Variants in MFSD2A observed in about 807,000 individuals in gnomAD.
The protein encoded by MFSD2A is sodium-dependent lysophosphatidylcholine symporter 1.
Under a neutral mutation model 64.7 loss-of-function variants are expected in MFSD2A, and 27 were observed. That is an observed-to-expected ratio of 0.42 (90% confidence interval 0.31 to 0.58). MFSD2A has a LOEUF of 0.58. Ranked by LOEUF, MFSD2A falls within the 20% of genes least tolerant of loss-of-function variation. The pLI is 0.18. For synonymous variants in MFSD2A, 258 were observed against 273.4 expected (o/e 0.94, Z 0.55); for missense variants, 474 against 679.5 (o/e 0.70, Z 3.36).
At position 39,962,539 on chromosome 1, in the gene MFSD2A, A is replaced by G. The variant is rs184472880; in HGVS notation, c.354-2672A>G. 421 of 588,258 alleles carry G rather than the reference A, an allele frequency of 7.2e-4. 4 individuals are homozygous for G. Among genetic ancestry groups the G allele is most frequent in the African/African-American group, 7.1e-3 (381 of 53,594 alleles). The allele number at this position is 588,258 out of a possible 1,614,324, so 36.4% of individuals were successfully genotyped here. On this transcript the variant is annotated intron_variant, in intron 3 of 13. Transcript: ENST00000372811. Reference sequence around the variant, plus strand: ...TGTTTACGAGCTTCTTCTCCGAGAAAACACCAAATGGCGGATGACACTGGT... The same window carrying G: ...TGTTTACGAGCTTCTTCTCCGAGAAGACACCAAATGGCGGATGACACTGGT...
chr1:39,962,787 A>C (rs887363922), intron 3 of MFSD2A: 1 of 1,086,256 alleles, frequency 9.2e-7, no homozygotes, highest in Admixed American at 1.8e-5. Flanking sequence ...CCTGCAGGAG[A>C]TCTATCTCTT....
Position 39,968,618 on chromosome 1 carries a change from T to C in MFSD2A, c.1402T>C (p.Phe468Leu). ...RGCSQPERVK[F>L]TLNMLVTMAP... is the part of the protein sequence containing the mutation. ...CTGCTCGCAGCCGGAACGTGTCAAG[T>C]TTACACTGAACATGCTCGTGACCAT... The change falls in exon 13 of 14, where the codon TTT becomes CTT. Residue 468 changes from phenylalanine to leucine, a missense_variant. Coordinates refer to ENST00000372811, the MANE Select transcript of MFSD2A (RefSeq NM_032793.5). This position sits in a 1 kb window ranked among gnomAD's most constrained non-coding sequence, Gnocchi z 4.4. 1 of 1,614,110 alleles carries C rather than the reference T, an allele frequency of 6.2e-7. No individual in the cohort carries two copies. Among genetic ancestry groups the C allele is most frequent in the Non-Finnish European group, 8.5e-7 (1 of 1,180,004 alleles).
rs915044654 is a variant in MFSD2A, at chr1:39,964,781, AGGTGTGTGTGTGAATGG to A, written c.354-400_354-384del. The A allele has an allele frequency of 2.2e-4, 40 of 184,100 alleles. No individual in the cohort carries two copies. Among genetic ancestry groups the A allele is most frequent in the Admixed American group, 1.3e-3 (22 of 17,158 alleles). The allele number at this position is 184,100 out of a possible 1,614,324, so 11.4% of individuals were successfully genotyped here. A position where few individuals can be genotyped will look rare whatever the true frequency, so the allele number is the denominator to read the frequency against. Reference sequence around the variant, plus strand: ...AATGGGGTGTGTGTGTGTGTGAATGAGGTGTGTGTGTGAATGGGGTGTGTGTGTGAATGGGGTGTGTG... The same window carrying A: ...AATGGGGTGTGTGTGTGTGTGAATGAGGTGTGTGTGTGAATGGGGTGTGTG... On this transcript the variant is annotated intron_variant, in intron 3 of 13. Transcript: ENST00000372811. The surrounding 1 kb of genome is among the most constrained non-coding windows in gnomAD (Gnocchi z 4.1).
chr1:39,963,083 C>CTT lies in MFSD2A; in HGVS notation c.354-2128_354-2127insTT. 1 of 1,377,642 alleles carries CTT rather than the reference C, an allele frequency of 7.3e-7. No homozygotes were observed. The highest frequency in any genetic ancestry group is 1.0e-6 in the Non-Finnish European group (1 of 996,206). 85.3% of individuals were successfully genotyped at this position (1,377,642 alleles called of 1,614,324 possible). A position where few individuals can be genotyped will look rare whatever the true frequency, so the allele number is the denominator to read the frequency against. ...GGAACAAGATCAGCAAGCCCCACAC[C>CTT]GTCCCTTGCAAGGTGACAGGCCGCT... On this transcript the variant is annotated intron_variant, in intron 3 of 13. Transcript: ENST00000372811. The surrounding 1 kb of genome is among the most constrained non-coding windows in gnomAD (Gnocchi z 4.2).
At chr1:39,962,634 G>A (rs11579076) in intron 3 of MFSD2A, 9 of 844,268 alleles carry the variant, frequency 1.1e-5, no homozygotes, top group Middle Eastern at 3.3e-4. Context: ...CGGAGGTTTC[G>A]GCAGTGGCAT....
At chr1:39,962,449 A>G (rs965693256) in intron 3 of MFSD2A, among the ~76,000 whole-genome samples, 2 of 152,278 alleles carry the variant, frequency 1.3e-5, no homozygotes, top group Non-Finnish European at 2.9e-5. Flanking sequence ...AACATGTTAT[A>G]TAACCCTTTT....
chr1:39,958,679 CTT>C lies in MFSD2A; in HGVS notation c.229-19_229-18del. ...GCGAGTAGAAGGATGAGGAAGTTGT[CTT>C]TTGCTTCTCCTCATTCCAGGTGGGC... On this transcript the variant is annotated intron_variant, in intron 2 of 13. Coordinates refer to ENST00000372811, the MANE Select transcript of MFSD2A (RefSeq NM_032793.5). The surrounding 1 kb of genome is among the most constrained non-coding windows in gnomAD (Gnocchi z 4.7). 6.2e-7 allele frequency: 1 copy of C among 1,613,966 alleles called. No individual in the cohort carries two copies. Among genetic ancestry groups the C allele is most frequent in the Non-Finnish European group, 8.5e-7 (1 of 1,180,014 alleles).
Position 39,963,111 on chromosome 1 carries a change from G to A in MFSD2A, c.354-2100G>A, listed in dbSNP as rs1377549398. On this transcript the variant is annotated intron_variant, in intron 3 of 13. Coordinates refer to ENST00000372811, the MANE Select transcript of MFSD2A (RefSeq NM_032793.5). The surrounding 1 kb of genome is among the most constrained non-coding windows in gnomAD (Gnocchi z 4.2). ...CCCTTGCAAGGTGACAGGCCGCTGCGGCTCTGTGCTGGTGCGTCTCATCCC... is the reference window on the plus strand; with the variant it reads ...CCCTTGCAAGGTGACAGGCCGCTGCAGCTCTGTGCTGGTGCGTCTCATCCC... 9 of 1,359,028 alleles carry A rather than the reference G, an allele frequency of 6.6e-6. No homozygotes were observed. Among genetic ancestry groups the A allele is most frequent in the Middle Eastern group, 2.5e-4 (1 of 4,060 alleles). 84.2% of individuals were successfully genotyped at this position (1,359,028 alleles called of 1,614,324 possible). A position where few individuals can be genotyped will look rare whatever the true frequency, so the allele number is the denominator to read the frequency against.
intron 6 of MFSD2A, 63 bp from the exon 7 acceptor site, chr1:39,966,538 A>G (rs1645164378): frequency 7.3e-7 from 1 of 1,364,116 alleles, no homozygotes; most frequent in Non-Finnish European, 1.0e-6. Context: ...GGGCTGCTGG[A>G]ACTGGGGTGC....
At chr1:39,962,716 A>G (rs1645071247) in intron 3 of MFSD2A, 2 of 791,402 alleles carry the variant, frequency 2.5e-6, no homozygotes, top group Admixed American at 2.0e-5. Context: ...AAGGCCGAGG[A>G]TAAGGAGTGG....
intron 3 of MFSD2A, among the ~76,000 whole-genome samples, chr1:39,962,364 C>A (rs181577510): frequency 2.0e-5 from 3 of 152,334 alleles, no homozygotes; most frequent in African/African-American, 7.2e-5. Flanking sequence ...CCCTGTCCAC[C>A]CATTTGTGAA....
intron 3 of MFSD2A, chr1:39,962,776 C>G: frequency 9.9e-7 from 1 of 1,014,642 alleles, no homozygotes; most frequent in Non-Finnish European, 1.5e-6. Flanking sequence ...AAGATCAAGT[C>G]CCTGCAGGAG....
At chr1:39,956,705 C>G (rs982290467) in intron 1 of MFSD2A, among the ~76,000 whole-genome samples, 3 of 151,510 alleles carry the variant, frequency 2.0e-5, no homozygotes, top group Non-Finnish European at 2.9e-5. Flanking sequence ...AGTGGGATCT[C>G]GGAGATCGAG....
At position 39,966,823 on chromosome 1, in the gene MFSD2A, C is replaced by G. The variant is rs748867951; in HGVS notation, c.818C>G (p.Ala273Gly). 5 of 1,613,978 alleles carry G rather than the reference C, an allele frequency of 3.1e-6. No individual in the cohort carries two copies. Among genetic ancestry groups the G allele is most frequent in the Non-Finnish European group, 4.2e-6 (5 of 1,180,012 alleles). ...GVREQREPYE[A>G]QQSEPIAYFR... is the part of the protein sequence containing the mutation. Reference sequence around the variant, plus strand: ...CTCTGGCCCCCAGAACCCTATGAAGCCCAGCAGTCTGAGCCAATCGCCTAC... The same window carrying G: ...CTCTGGCCCCCAGAACCCTATGAAGGCCAGCAGTCTGAGCCAATCGCCTAC... The change falls in exon 8 of 14, where the codon GCC (alanine) becomes GGC (glycine). Residue 273 changes from alanine to glycine, a missense_variant. By Grantham distance (60) the Ala-to-Gly change is moderately conservative (BLOSUM62 0). Transcript: ENST00000372811.
Position 39,963,933 on chromosome 1 carries a change from G to A in MFSD2A, c.354-1278G>A, listed in dbSNP as rs753946657. ...TATTTTTAGTAGAGACGGAGGTTTCGCCATGTTGGGCAGGCTGGTCTTGAA... is the reference window on the plus strand; with the variant it reads ...TATTTTTAGTAGAGACGGAGGTTTCACCATGTTGGGCAGGCTGGTCTTGAA... On this transcript the variant is annotated intron_variant, in intron 3 of 13. Transcript: ENST00000372811. The surrounding 1 kb of genome is among the most constrained non-coding windows in gnomAD (Gnocchi z 4.2). 1.2e-4 allele frequency among the ~76,000 whole-genome samples: 18 copies of A among 152,112 alleles called. No individual in the cohort carries two copies. The highest frequency in any genetic ancestry group is 6.8e-3 in the Middle Eastern group (2 of 294).
At position 39,955,789 on chromosome 1, in the gene MFSD2A, C is replaced by A. The variant is rs140740533; in HGVS notation, c.93+404C>A. 13 of 394,916 alleles carry A rather than the reference C, an allele frequency of 3.3e-5. No homozygotes were observed. The highest frequency in any genetic ancestry group is 6.4e-5 in the Non-Finnish European group (13 of 201,946). 24.5% of individuals were successfully genotyped at this position (394,916 alleles called of 1,614,324 possible). ...CTCCCACTCCACCCACCTACTCTTG[C>A]GCCTCAACTCTGCTGTTAGGGCCGC... On this transcript the variant is annotated intron_variant, in intron 1 of 13. Coordinates refer to ENST00000372811, the MANE Select transcript of MFSD2A (RefSeq NM_032793.5). This position sits in a 1 kb window ranked among gnomAD's most constrained non-coding sequence, Gnocchi z 5.9.
intron 1 of MFSD2A, among the ~76,000 whole-genome samples, chr1:39,956,253 G>A (rs1644925325): frequency 6.6e-6 from 1 of 152,220 alleles, no homozygotes; most frequent in Admixed American, 6.5e-5. Flanking sequence ...TGGAGAGTAG[G>A]ACAGTTCCTG....
Position 39,955,164 on chromosome 1 carries a change from C to A in MFSD2A, c.-129C>A. On this transcript the variant is annotated 5_prime_UTR_variant, in exon 1 of 14. Coordinates refer to ENST00000372811, the MANE Select transcript of MFSD2A (RefSeq NM_032793.5). This position sits in a 1 kb window ranked among gnomAD's most constrained non-coding sequence, Gnocchi z 5.9. Reference sequence around the variant, plus strand: ...TGCAGCAGAGTGCGTTCCTCGTCTGCCAGCCGGCTTGGCTAGCGCGCGGCG... The same window carrying A: ...TGCAGCAGAGTGCGTTCCTCGTCTGACAGCCGGCTTGGCTAGCGCGCGGCG... The A allele has an allele frequency of 1.5e-6, 1 of 668,138 alleles. No homozygotes were observed. Among genetic ancestry groups the A allele is most frequent in the Non-Finnish European group, 2.2e-6 (1 of 460,562 alleles). 41.4% of individuals were successfully genotyped at this position (668,138 alleles called of 1,614,324 possible). A position where few individuals can be genotyped will look rare whatever the true frequency, so the allele number is the denominator to read the frequency against.
At position 39,960,191 on chromosome 1, in the gene MFSD2A, C is replaced by T. The variant is rs943852101; in HGVS notation, c.353+1366C>T. 1.3e-5 allele frequency among the ~76,000 whole-genome samples: 2 copies of T among 152,216 alleles called. No homozygotes were observed. Among genetic ancestry groups the T allele is most frequent in the East Asian group, 1.9e-4 (1 of 5,188 alleles). ...GAGACGCACAGGATAGGCTGTCAGG[C>T]GGGGGCTCTGGTTCCCTCCAGGACA... is the stretch of plus-strand genomic sequence containing the variant. On this transcript the variant is annotated intron_variant, in intron 3 of 13. Coordinates refer to ENST00000372811, the MANE Select transcript of MFSD2A (RefSeq NM_032793.5). This position sits in a 1 kb window ranked among gnomAD's most constrained non-coding sequence, Gnocchi z 4.8.
Sources: allele counts gnomAD v4.1 joint callset (sites outside exome capture counted in the v4.1 genomes callset), GRCh38; gene constraint gnomAD v4.1.1; non-coding constraint Gnocchi (gnomAD v3.1); transcripts MANE v1.5; gene names NCBI Gene and HGNC (gene_info 2026-07-23, HGNC 2026-07-21).